Variants in PLAC1 observed in about 807,000 individuals in gnomAD.
The protein encoded by PLAC1 is placenta-specific protein 1.
For synonymous variants in PLAC1, 68 were observed against 62.1 expected, an observed-to-expected ratio of 1.09 and a Z score of -0.44; for missense variants, 136 against 163.2, an observed-to-expected ratio of 0.83 and a Z score of 0.91.
At chrX:134,702,296 G>C (rs1009674713) in intron 2 of PLAC1, among the ~76,000 whole-genome samples, 3 of 112,214 alleles carry the variant, frequency 2.7e-5, no homozygotes, top group Non-Finnish European at 5.6e-5. Context: ...ACACACACTT[G>C]CATGTTCATT....
intron 2 of PLAC1, among the ~76,000 whole-genome samples, chrX:134,576,414 G>A (rs1602790517): frequency 9.2e-6 from 1 of 108,656 alleles, no homozygotes; most frequent in Admixed American, 1.0e-4. Flanking sequence ...GCACATGCCT[G>A]TAGTCCCAGC....
chrX:134,668,497 A>G (rs2147809455), intron 2 of PLAC1, among the ~76,000 whole-genome samples: 1 of 112,889 alleles, frequency 8.9e-6, no homozygotes, highest in Non-Finnish European at 1.9e-5. Context: ...CCACACCCAG[A>G]GTCACTCTGT....
intron 1 of PLAC1, among the ~76,000 whole-genome samples, chrX:134,631,602 C>T (rs1016542876): frequency 9.0e-6 from 1 of 111,358 alleles, no homozygotes; most frequent in African/African-American, 3.3e-5. Context: ...TTGGCTGGGG[C>T]GTGGGGGTTG....
chrX:134,705,021 T>TATAC lies in PLAC1; in HGVS notation n.174+28413_174+28414insGTAT, dbSNP rs1284412646. Among the ~76,000 whole-genome samples the TATAC allele has an allele frequency of 3.1e-5, 3 of 98,338 alleles. No individual in the cohort carries two copies. The Admixed American group carries it at 3.4e-4, about 11-fold the overall frequency. 85.4% of individuals were successfully genotyped at this position (98,338 alleles called of 115,157 possible). A position where few individuals can be genotyped will look rare whatever the true frequency, so the allele number is the denominator to read the frequency against. On this transcript the variant is annotated intron_variant and non_coding_transcript_variant, in intron 2 of 2. Coordinates refer to the PLAC1 transcript ENST00000466797. Reference sequence around the variant, plus strand: ...AAAATTATATATATATATATATATATACACACACACACACTAATATATAAA... The same window carrying TATAC: ...AAAATTATATATATATATATATATATATACACACACACACACACTAATATATAAA...
At chrX:134,630,120 C>T (rs373616290) in intron 1 of PLAC1, among the ~76,000 whole-genome samples, 1 of 109,435 alleles carries the variant, frequency 9.1e-6, no homozygotes, top group Non-Finnish European at 1.9e-5. Flanking sequence ...TACGGGCATG[C>T]GCCACCATAC....
chrX:134,641,449 A>G (rs2078307272), intron 1 of PLAC1, among the ~76,000 whole-genome samples: 3 of 112,007 alleles, frequency 2.7e-5, no homozygotes, highest in African/African-American at 9.7e-5. Context: ...TGACCTCCCT[A>G]CAATTTCAGA....
chrX:134,717,291 G>A (rs1204091703), intron 2 of PLAC1, among the ~76,000 whole-genome samples: 1 of 111,641 alleles, frequency 9.0e-6, no homozygotes, highest in African/African-American at 3.3e-5. Flanking sequence ...ACAGAGTCTT[G>A]CTCTGTCACC....
chrX:134,734,062 C>A (rs751456279), intron 1 of PLAC1, among the ~76,000 whole-genome samples: 1 of 111,662 alleles, frequency 9.0e-6, no homozygotes, highest in Admixed American at 9.5e-5. Flanking sequence ...ACCAGGACAA[C>A]TGTGCCTGAT....
chrX:134,651,463 A>C (rs2078362345), intron 1 of PLAC1: 1 of 121,587 alleles, frequency 8.2e-6, no homozygotes, highest in African/African-American at 3.3e-5. Flanking sequence ...CAAATAAACA[A>C]ATAAAAACAA....
intron 2 of PLAC1, among the ~76,000 whole-genome samples, chrX:134,699,877 G>C (rs1409965250): frequency 8.9e-6 from 1 of 111,769 alleles, no homozygotes; most frequent in Non-Finnish European, 1.9e-5. Flanking sequence ...TTCTAGCCCT[G>C]GTGTAACTAA....
intron 1 of PLAC1, among the ~76,000 whole-genome samples, chrX:134,636,811 C>T (rs2078285512): frequency 8.9e-6 from 1 of 112,077 alleles, no homozygotes; most frequent in Non-Finnish European, 1.9e-5. Flanking sequence ...TGGGAGAAAC[C>T]TGGCCTTGCA....
At position 134,658,349 on chromosome X, in the gene PLAC1, GA is replaced by G. The variant is rs1478088729; in HGVS notation, c.-153del. On this transcript the variant is annotated 5_prime_UTR_variant, in exon 1 of 3. Transcript: ENST00000359237. ...TTACCTGCCAAATTTCCAAAGGGAA[GA>G]AGGAACTTGCTGTGTCTGTATTTGC... is the stretch of plus-strand genomic sequence containing the variant. The G allele has an allele frequency of 8.9e-6, 1 of 112,800 alleles. No individual in the cohort carries two copies. Among genetic ancestry groups the G allele is most frequent in the Non-Finnish European group, 1.9e-5 (1 of 53,389 alleles). 9.3% of individuals were successfully genotyped at this position (112,800 alleles called of 1,213,427 possible).
At chrX:134,754,818 G>A (rs976138799) in intron 1 of PLAC1, among the ~76,000 whole-genome samples, 6 of 90,563 alleles carry the variant, frequency 6.6e-5, no homozygotes, top group Admixed American at 3.0e-4. Context: ...ACAAGATTAC[G>A]CTGGTTAGAG....
chrX:134,630,343 G>C (rs1461297100), intron 1 of PLAC1, among the ~76,000 whole-genome samples: 1 of 112,198 alleles, frequency 8.9e-6, no homozygotes, highest in Non-Finnish European at 1.9e-5. Context: ...AATTTGAGCA[G>C]ATTCAAAGAT....
chrX:134,673,787 A>G (rs141881630), intron 2 of PLAC1, among the ~76,000 whole-genome samples: 2,702 of 111,772 alleles, frequency 0.024, 88 homozygotes, highest in African/African-American at 0.081. Context: ...ACATAACTTA[A>G]TCCCAGAATG....
intron 2 of PLAC1, among the ~76,000 whole-genome samples, chrX:134,731,914 G>A (rs960145352): frequency 1.8e-5 from 2 of 111,707 alleles, no homozygotes; most frequent in Admixed American, 9.5e-5. Context: ...CCAGCTACAC[G>A]GAGGGCTGAG....
In PLAC1 at chrX:134,697,654, G is replaced by C. The variant is rs1255580940; in HGVS notation, n.174+35781C>G. Among the ~76,000 whole-genome samples the C allele has an allele frequency of 3.6e-5, 4 of 111,748 alleles. No individual in the cohort carries two copies. In the East Asian group the frequency reaches 1.1e-3, roughly 31 times the overall value. ...AGGCCAAGGAGGGAGGATGACTTGAGGTCAGGAGTTCGAGACCAGCCTGGC... is the reference window on the plus strand; with the variant it reads ...AGGCCAAGGAGGGAGGATGACTTGACGTCAGGAGTTCGAGACCAGCCTGGC... On this transcript the variant is annotated intron_variant and non_coding_transcript_variant, in intron 2 of 2. Transcript: ENST00000466797.
At chrX:134,693,745 T>A (rs1242229350) in intron 2 of PLAC1, among the ~76,000 whole-genome samples, 1 of 111,827 alleles carries the variant, frequency 8.9e-6, no homozygotes, top group African/African-American at 3.2e-5. Flanking sequence ...TGGGCAATCC[T>A]AACTATTATT....
chrX:134,643,705 A>G (rs1401035846), intron 1 of PLAC1, among the ~76,000 whole-genome samples: 2 of 111,598 alleles, frequency 1.8e-5, no homozygotes, highest in Non-Finnish European at 3.8e-5. Context: ...TTGCTCTTAG[A>G]AAGCTCTAAG....
Sources: gnomAD v4.1 joint callset for allele counts (sites outside exome capture counted in the v4.1 genomes callset) on GRCh38, gnomAD v4.1.1 for gene constraint, MANE v1.5 for transcripts, NCBI Gene and HGNC (gene_info 2026-07-23, HGNC 2026-07-21) for gene names.